The following MTMR7 variants were observed in gnomAD, a reference collection of about 807,000 sequenced individuals.
MTMR7 encodes myotubularin related protein 7.
A neutral mutation model predicts 81.2 loss-of-function variants in MTMR7; 76 were observed. That is an observed-to-expected ratio of 0.94 (90% confidence interval 0.78 to 1.13). MTMR7 has a LOEUF of 1.13. MTMR7 is among the 50% of genes most tolerant of loss of function. MTMR7 has a pLI of 0.00. For missense variants in MTMR7, 1,044 were observed against 820.0 expected (o/e 1.27, Z -3.34); for synonymous variants, 372 against 289.8 (o/e 1.28, Z -2.88).
intron 3 of MTMR7, among the ~76,000 whole-genome samples, chr8:17,366,826 C>T (rs1820239040): frequency 6.7e-6 from 1 of 148,230 alleles, no homozygotes; most frequent in African/African-American, 2.6e-5. Flanking sequence ...GTGGAGCTTG[C>T]AGTGAGCCGA....
rs1358941789 is a variant in MTMR7, at chr8:17,297,579, A to AAAAAT, written c.*2278_*2282dup. The AAAAAT allele has an allele frequency of 1.3e-5, 2 of 152,062 alleles. No individual in the cohort carries two copies. Among genetic ancestry groups the AAAAAT allele is most frequent in the African/African-American group, 4.8e-5 (2 of 41,436 alleles). The allele number at this position is 152,062 out of a possible 1,614,324, so 9.4% of individuals were successfully genotyped here. A position where few individuals can be genotyped will look rare whatever the true frequency, so the allele number is the denominator to read the frequency against. On this transcript the variant is annotated 3_prime_UTR_variant, in exon 14 of 14. Coordinates refer to ENST00000180173, the MANE Select transcript of MTMR7 (RefSeq NM_004686.5). ...ACCTATTTATTTCATATCAACTTTAAAAAATAAATTACTTGCATTCTATAT... is the reference window on the plus strand; with the variant it reads ...ACCTATTTATTTCATATCAACTTTAAAAAATAAAATAAATTACTTGCATTCTATAT...
chr8:17,349,058 T>C lies in MTMR7; in HGVS notation c.492A>G (p.Glu164=), dbSNP rs776214746. ...DYRVCDSYPT[E]LYVPKSATAH... ...CCGTGGCCGATTTGGGAACGTACAGTTCAGTAGGATAAGAGTCACAGACCT... is the reference window on the plus strand; with the variant it reads ...CCGTGGCCGATTTGGGAACGTACAGCTCAGTAGGATAAGAGTCACAGACCT... Residue 164 remains glutamate, a synonymous_variant, in exon 5 of 14, where the codon GAA becomes GAG. Coordinates refer to ENST00000180173, the MANE Select transcript of MTMR7 (RefSeq NM_004686.5). The C allele has an allele frequency of 1.9e-6, 3 of 1,612,032 alleles. No individual in the cohort carries two copies. Among genetic ancestry groups the C allele is most frequent in the African/African-American group, 1.4e-5 (1 of 74,054 alleles).
chr8:17,383,175 G>A (rs865812578), intron 1 of MTMR7, among the ~76,000 whole-genome samples: 1 of 152,034 alleles, frequency 6.6e-6, no homozygotes, highest in Non-Finnish European at 1.5e-5. Flanking sequence ...TTTAAACAGT[G>A]CCCACCCTCT....
chr8:17,411,942 G>T (rs1821747068), intron 1 of MTMR7, among the ~76,000 whole-genome samples: 1 of 152,176 alleles, frequency 6.6e-6, no homozygotes, highest in African/African-American at 2.4e-5. Context: ...AATGCCCTTG[G>T]CAAGGGCAGA....
chr8:17,396,237 C>CAAA (rs1821243867), intron 1 of MTMR7, among the ~76,000 whole-genome samples: 1 of 151,926 alleles, frequency 6.6e-6, no homozygotes, highest in Non-Finnish European at 1.5e-5. Context: ...CAACTACACA[C>CAAA]AAAAAAGCAC....
intron 5 of MTMR7, 146 bp downstream of exon 5, chr8:17,348,807 C>A: frequency 1.1e-6 from 1 of 901,396 alleles, no homozygotes; most frequent in South Asian, 1.6e-5. Flanking sequence ...ATAGTTGTAT[C>A]ATGTCATACC....
chr8:17,341,223 C>T, intron 6 of MTMR7, 140 bp downstream of exon 6: 1 of 1,102,928 alleles, frequency 9.1e-7, no homozygotes, highest in Non-Finnish European at 1.3e-6. Flanking sequence ...AGCAGGGTGC[C>T]CAGACACTGA....
chr8:17,365,695 G>A (rs538449484), intron 3 of MTMR7, among the ~76,000 whole-genome samples: 12 of 152,240 alleles, frequency 7.9e-5, no homozygotes, highest in African/African-American at 2.6e-4. Context: ...AACTGAATGT[G>A]CACCTTTAAT....
intron 1 of MTMR7, among the ~76,000 whole-genome samples, chr8:17,390,434 T>C (rs1005165044): frequency 6.6e-6 from 1 of 151,986 alleles, no homozygotes. Context: ...CATGCAACCA[T>C]CTCCCACCAG....
chr8:17,297,752 G>A lies in MTMR7; in HGVS notation c.*2110C>T, dbSNP rs1816801964. 1 of 150,694 alleles carries A rather than the reference G, an allele frequency of 6.6e-6. No individual in the cohort carries two copies. Among genetic ancestry groups the A allele is most frequent in the South Asian group, 2.1e-4 (1 of 4,686 alleles). 9.3% of individuals were successfully genotyped at this position (150,694 alleles called of 1,614,324 possible). On this transcript the variant is annotated 3_prime_UTR_variant, in exon 14 of 14. Coordinates refer to ENST00000180173, the MANE Select transcript of MTMR7 (RefSeq NM_004686.5). Reference sequence around the variant, plus strand: ...TTGTTGGGGATATTTTAGTCTTGTTGGGTTAGCCATGCTCTGAAGAATCTG... The same window carrying A: ...TTGTTGGGGATATTTTAGTCTTGTTAGGTTAGCCATGCTCTGAAGAATCTG...
chr8:17,336,725 G>C (rs928337529), intron 6 of MTMR7, among the ~76,000 whole-genome samples: 5 of 152,202 alleles, frequency 3.3e-5, no homozygotes, highest in Non-Finnish European at 4.4e-5. Context: ...CTCGCCCTCG[G>C]CCCTTCTCTT....
intron 4 of MTMR7, among the ~76,000 whole-genome samples, chr8:17,352,205 T>G (rs1023634467): frequency 6.6e-6 from 1 of 152,190 alleles, no homozygotes; most frequent in Non-Finnish European, 1.5e-5. Context: ...AAGCCATATC[T>G]ATTTTGCAGC....
chr8:17,346,969 C>T (rs2150546547), intron 5 of MTMR7, among the ~76,000 whole-genome samples: 1 of 150,070 alleles, frequency 6.7e-6, no homozygotes, highest in African/African-American at 2.5e-5. Flanking sequence ...CCGAGGCAGG[C>T]AGATCACTTG....
chr8:17,374,703 C>T (rs1384917582), intron 1 of MTMR7, among the ~76,000 whole-genome samples: 2 of 152,124 alleles, frequency 1.3e-5, no homozygotes, highest in Non-Finnish European at 2.9e-5. Context: ...ATCCCAGCTA[C>T]TCGGGAGGCT....
intron 6 of MTMR7, among the ~76,000 whole-genome samples, chr8:17,336,796 C>G (rs1358289629): frequency 6.6e-6 from 1 of 152,190 alleles, no homozygotes; most frequent in Non-Finnish European, 1.5e-5. Flanking sequence ...GGGAGGTTCT[C>G]TGGCCTCGTC....
intron 7 of MTMR7, among the ~76,000 whole-genome samples, chr8:17,325,281 C>T (rs1002048817): frequency 6.6e-6 from 1 of 152,144 alleles, no homozygotes; most frequent in Non-Finnish European, 1.5e-5. Flanking sequence ...ATACCCACCA[C>T]GATGGTGCCT....
chr8:17,300,516 A>G (rs1817044097), intron 13 of MTMR7, among the ~76,000 whole-genome samples: 1 of 152,190 alleles, frequency 6.6e-6, no homozygotes, highest in African/African-American at 2.4e-5. Flanking sequence ...TTCTATACCT[A>G]CATGGTTTCA....
chr8:17,358,481 T>C (rs1181489279), intron 4 of MTMR7, among the ~76,000 whole-genome samples: 1 of 152,164 alleles, frequency 6.6e-6, no homozygotes, highest in African/African-American at 2.4e-5. Flanking sequence ...TCTGTCAGAA[T>C]CAATTGAGCA....
chr8:17,328,245 G>T (rs77440134), intron 7 of MTMR7, among the ~76,000 whole-genome samples: 1 of 152,008 alleles, frequency 6.6e-6, no homozygotes, highest in Non-Finnish European at 1.5e-5. Flanking sequence ...TGTCCCAGTG[G>T]GGCACACCCT....
Sources: gnomAD v4.1 joint callset for allele counts (sites outside exome capture counted in the v4.1 genomes callset) on GRCh38, gnomAD v4.1.1 for gene constraint, MANE v1.5 for transcripts, NCBI Gene and HGNC (gene_info 2026-07-23, HGNC 2026-07-21) for gene names.